The following PREPL variants were observed in gnomAD, a reference collection of about 807,000 sequenced individuals.
PREPL encodes prolyl endopeptidase like, also known as prolyl endopeptidase-like.
In PREPL, 77 loss-of-function variants were observed where a neutral mutation model predicts 70.6. The observed-to-expected ratio is 1.09, with a 90% CI of 0.91 to 1.32. The LOEUF is 1.32. Among genes scored for constraint, PREPL ranks in the 40% most tolerant of loss-of-function variants. The pLI, the probability that PREPL is intolerant of heterozygous loss-of-function variation, is 0.00. For synonymous variants in PREPL, 315 were observed against 264.8 expected (o/e 1.19, Z -1.84); for missense variants, 1,002 against 778.2 (o/e 1.29, Z -3.42).
chr2:44,354,075 G>A (rs937219679), intron 1 of PREPL, among the ~76,000 whole-genome samples: 6 of 152,052 alleles, frequency 3.9e-5, no homozygotes, highest in Non-Finnish European at 2.9e-5. Flanking sequence ...AAGACAGCAC[G>A]AGCCCAGGAG....
intron 1 of PREPL, among the ~76,000 whole-genome samples, chr2:44,356,736 G>C (rs1677087364): frequency 6.6e-6 from 1 of 152,114 alleles, no homozygotes; most frequent in African/African-American, 2.4e-5. Context: ...TGTTGCTAAG[G>C]TAACAAGAGG....
intron 8 of PREPL, among the ~76,000 whole-genome samples, chr2:44,330,413 G>C (rs1444608666): frequency 6.6e-6 from 1 of 152,024 alleles, no homozygotes; most frequent in East Asian, 1.9e-4. Context: ...TCCAATAATT[G>C]CAACATTTTG....
Position 44,320,011 on chromosome 2 carries a change from ATT to A in PREPL, c.*1343_*1344del. On this transcript the variant is annotated 3_prime_UTR_variant, in exon 14 of 14. Transcript: ENST00000409411. ...ACTCCCAGACAAGCCGAAACCCCGA[ATT>A]TGTCATTTCTATCAGTTTTTATATA... 1.7e-6 allele frequency: 1 copy of A among 594,962 alleles called. No homozygotes were observed. The allele number at this position is 594,962 out of a possible 1,614,324, so 36.9% of individuals were successfully genotyped here.
chr2:44,334,326 A>C (rs1381474978), intron 7 of PREPL, among the ~76,000 whole-genome samples: 3 of 152,224 alleles, frequency 2.0e-5, no homozygotes, highest in East Asian at 1.9e-4. Flanking sequence ...CAAAAGAATA[A>C]GACATACATG....
intron 1 of PREPL, among the ~76,000 whole-genome samples, chr2:44,355,341 C>T (rs1285379394): frequency 3.9e-5 from 6 of 152,214 alleles, no homozygotes; most frequent in African/African-American, 1.4e-4. Flanking sequence ...TGAGGCTGGG[C>T]TTCCAGACCA....
chr2:44,318,095 GT>G lies in PREPL; in HGVS notation c.*3260del, dbSNP rs11348872. Reference sequence around the variant, plus strand: ...ATAATACTTAAAGGATCTCAACACTGTTTTTTTTTTTTTTTGAGACAGTCTT... The same window carrying G: ...ATAATACTTAAAGGATCTCAACACTGTTTTTTTTTTTTTTGAGACAGTCTT... On this transcript the variant is annotated 3_prime_UTR_variant, in exon 14 of 14. Coordinates refer to ENST00000409411, the MANE Select transcript of PREPL (RefSeq NM_001171613.2). 178,587 of 391,984 alleles carry G rather than the reference GT, an allele frequency of 0.46. 21,364 individuals are homozygous for G. The highest frequency in any genetic ancestry group is 0.53 in the Middle Eastern group (1,377 of 2,588). 24.3% of individuals were successfully genotyped at this position (391,984 alleles called of 1,614,324 possible).
chr2:44,353,899 A>G (rs1676724543), intron 1 of PREPL, among the ~76,000 whole-genome samples: 1 of 152,170 alleles, frequency 6.6e-6, no homozygotes, highest in Non-Finnish European at 1.5e-5. Flanking sequence ...GGTGGGTCAC[A>G]CATGTAATGC....
At chr2:44,342,620 A>G (rs1675355637) in intron 4 of PREPL, 68 bp from the exon 5 acceptor site, 5 of 1,212,132 alleles carry the variant, frequency 4.1e-6, no homozygotes, top group Non-Finnish European at 5.8e-6. Flanking sequence ...AAAAAAGCAC[A>G]GCACATTCTA....
chr2:44,354,691 C>A (rs1400419513), intron 1 of PREPL, among the ~76,000 whole-genome samples: 1 of 152,166 alleles, frequency 6.6e-6, no homozygotes, highest in African/African-American at 2.4e-5. Context: ...TCTCCTTCCT[C>A]AGCGTCCCGA....
intron 10 of PREPL, among the ~76,000 whole-genome samples, chr2:44,325,643 T>C (rs1376636429): frequency 6.6e-6 from 1 of 152,116 alleles, no homozygotes; most frequent in Non-Finnish European, 1.5e-5. Flanking sequence ...GTCTTTAAAC[T>C]GTAAATAATT....
intron 1 of PREPL, among the ~76,000 whole-genome samples, chr2:44,359,222 G>A (rs776285732): frequency 2.0e-5 from 3 of 151,736 alleles, no homozygotes; most frequent in Admixed American, 6.6e-5. Context: ...TGGGTGCCAT[G>A]ACGCCTAGCT....
chr2:44,349,703 G>T lies in PREPL; in HGVS notation c.-48-3313C>A, dbSNP rs115226623. Among the ~76,000 whole-genome samples the T allele has an allele frequency of 7.5e-3, 1,141 of 152,250 alleles. 15 individuals carry two copies. Among genetic ancestry groups the T allele is most frequent in the African/African-American group, 0.026 (1,084 of 41,566 alleles). Reference sequence around the variant, plus strand: ...TACGAGGCCGGGCGCGGTGGCTCACGCCTGTAATCTCGGCACTTCGGGAGG... The same window carrying T: ...TACGAGGCCGGGCGCGGTGGCTCACTCCTGTAATCTCGGCACTTCGGGAGG... On this transcript the variant is annotated intron_variant, in intron 1 of 13. Coordinates refer to ENST00000409411, the MANE Select transcript of PREPL (RefSeq NM_001171613.2).
chr2:44,354,512 T>TCATA (rs1234715203), intron 1 of PREPL, among the ~76,000 whole-genome samples: 2 of 152,102 alleles, frequency 1.3e-5, no homozygotes, highest in East Asian at 3.8e-4. Context: ...AATTCCAGAC[T>TCATA]CATATATCCA....
rs532883781 is a variant in PREPL at position 44,319,223 on chromosome 2, C to T, written c.*2133G>A. 1 of 152,738 alleles carries T rather than the reference C, an allele frequency of 6.5e-6. No individual in the cohort carries two copies. Among genetic ancestry groups the T allele is most frequent in the African/African-American group, 2.4e-5 (1 of 41,568 alleles). 9.5% of individuals were successfully genotyped at this position (152,738 alleles called of 1,614,324 possible). A position where few individuals can be genotyped will look rare whatever the true frequency, so the allele number is the denominator to read the frequency against. On this transcript the variant is annotated 3_prime_UTR_variant, in exon 14 of 14. Coordinates refer to ENST00000409411, the MANE Select transcript of PREPL (RefSeq NM_001171613.2). ...AGAACAATAACAACCACAATAACAA[C>T]TATCACCCCAGTAAACATGGCTGGC...
Position 44,322,789 on chromosome 2 carries a change from T to TA in PREPL, c.1694dup (p.Ser566LysfsTer4). ...CTTCCTTGAGTTTCTCAGTATAACT[T>TA]ACAATTCCTTTCAGAGGTACCCGTT... On this transcript the variant is annotated frameshift_variant, in exon 12 of 14. Transcript: ENST00000409411. LOFTEE classifies it high-confidence loss of function. The TA allele has an allele frequency of 1.2e-6, 2 of 1,613,962 alleles. No individual in the cohort carries two copies. The highest frequency in any genetic ancestry group is 1.7e-6 in the Non-Finnish European group (2 of 1,179,866).
chr2:44,344,062 C>T, intron 3 of PREPL, 111 bp from the exon 4 acceptor site: 1 of 1,275,950 alleles, frequency 7.8e-7, no homozygotes, highest in East Asian at 2.5e-5. Context: ...AGGCCATATC[C>T]TAGCTTCTTT....
intron 10 of PREPL, among the ~76,000 whole-genome samples, chr2:44,324,852 G>A (rs1276857864): frequency 1.3e-5 from 2 of 152,100 alleles, no homozygotes; most frequent in Non-Finnish European, 2.9e-5. Flanking sequence ...GTGTGCCATT[G>A]CATTCCAGCC....
At chr2:44,359,717 A>G (rs568832820) in intron 1 of PREPL, 10 of 1,592,902 alleles carry the variant, frequency 6.3e-6, no homozygotes, top group Non-Finnish European at 7.7e-6. Context: ...CTGCTGCATG[A>G]TATCAAAGTC....
intron 9 of PREPL, among the ~76,000 whole-genome samples, chr2:44,328,025 C>T (rs1379975241): frequency 6.7e-6 from 1 of 149,424 alleles, no homozygotes; most frequent in Non-Finnish European, 1.5e-5. Flanking sequence ...GTGGCTCATG[C>T]CTGTAATCCC....
Sources: allele counts gnomAD v4.1 joint callset (sites outside exome capture counted in the v4.1 genomes callset), GRCh38; gene constraint gnomAD v4.1.1; transcripts MANE v1.5; gene names NCBI Gene and HGNC (gene_info 2026-07-23, HGNC 2026-07-21).